WWOX: variants seen among roughly 807,000 people sequenced by gnomAD.
The protein encoded by WWOX is WW domain containing oxidoreductase.
A neutral mutation model predicts 46.2 loss-of-function variants in WWOX; 69 were observed. The ratio of observed to expected loss-of-function variants is 1.49; its 90% CI spans 1.23 to 1.82. The LOEUF is 1.82. Among genes scored for constraint, WWOX ranks in the 40% most tolerant of loss-of-function variants. The pLI is 0.00. For missense variants in WWOX, 919 were observed against 542.6 expected, an observed-to-expected ratio of 1.69 and a Z score of -6.89; for synonymous variants, 359 against 202.6, an observed-to-expected ratio of 1.77 and a Z score of -6.56.
chr16:78,535,897 G>A (rs1476091301), intron 8 of WWOX, among the ~76,000 whole-genome samples: 1 of 152,138 alleles, frequency 6.6e-6, no homozygotes, highest in African/African-American at 2.4e-5. Flanking sequence ...CCTCGGTGGT[G>A]AAGTGGGGAT....
intron 8 of WWOX, among the ~76,000 whole-genome samples, chr16:78,698,074 GTAT>G (rs1003777427): frequency 1.3e-5 from 2 of 152,138 alleles, no homozygotes; most frequent in African/African-American, 4.8e-5. Flanking sequence ...ATGTAAAGTG[GTAT>G]TATTGTTGTC....
intron 4 of WWOX, among the ~76,000 whole-genome samples, chr16:78,151,318 C>A (rs957569354): frequency 3.3e-5 from 5 of 152,140 alleles, no homozygotes; most frequent in African/African-American, 1.2e-4. Flanking sequence ...GGTACACCTG[C>A]TTGAAGTCAG....
intron 8 of WWOX, among the ~76,000 whole-genome samples, chr16:78,632,803 C>A (rs1243352230): frequency 6.6e-6 from 1 of 151,912 alleles, no homozygotes. Flanking sequence ...GGTGATCCAC[C>A]CGCCTCAGCC....
intron 8 of WWOX, among the ~76,000 whole-genome samples, chr16:79,051,986 G>C (rs191265570): frequency 2.0e-5 from 3 of 151,022 alleles, no homozygotes; most frequent in African/African-American, 4.9e-5. Context: ...AAGTTACTTC[G>C]TCCTTCCTTT....
At chr16:78,679,308 T>C (rs554736079) in intron 8 of WWOX, among the ~76,000 whole-genome samples, 20 of 152,254 alleles carry the variant, frequency 1.3e-4, no homozygotes, top group African/African-American at 3.9e-4. Flanking sequence ...CCCAGCACTT[T>C]GGGAGGCCAA....
At chr16:78,730,051 T>C (rs2048932677) in intron 8 of WWOX, among the ~76,000 whole-genome samples, 2 of 152,194 alleles carry the variant, frequency 1.3e-5, no homozygotes, top group African/African-American at 4.8e-5. Context: ...GTGACTTTGA[T>C]ATATCCATTT....
At chr16:78,326,140 AC>A (rs2151887837) in intron 5 of WWOX, among the ~76,000 whole-genome samples, 1 of 152,292 alleles carries the variant, frequency 6.6e-6, no homozygotes, top group African/African-American at 2.4e-5. Context: ...TTTGTACTCA[AC>A]CATTAAATTG....
At chr16:78,236,070 T>C (rs1026665090) in intron 5 of WWOX, among the ~76,000 whole-genome samples, 5 of 152,236 alleles carry the variant, frequency 3.3e-5, no homozygotes, top group African/African-American at 1.2e-4. Context: ...ACTTTATTTA[T>C]AGGAACAGGC....
At chr16:78,563,267 G>A (rs76184501) in intron 8 of WWOX, among the ~76,000 whole-genome samples, 1 of 152,076 alleles carries the variant, frequency 6.6e-6, no homozygotes, top group East Asian at 1.9e-4. Context: ...CTATTTTCCT[G>A]TGTATGGGGT....
chr16:78,684,358 C>T (rs1361594678), intron 8 of WWOX, among the ~76,000 whole-genome samples: 1 of 152,178 alleles, frequency 6.6e-6, no homozygotes, highest in Non-Finnish European at 1.5e-5. Flanking sequence ...ACCTATGAAC[C>T]ATGAGGGTTT....
chr16:78,154,909 GTGCAC>G (rs1031908771), intron 4 of WWOX, among the ~76,000 whole-genome samples: 2 of 152,154 alleles, frequency 1.3e-5, no homozygotes, highest in African/African-American at 4.8e-5. Flanking sequence ...CCTGAATAAT[GTGCAC>G]TGAGCATCAA....
At chr16:78,394,408 C>A (rs2082243015) in intron 6 of WWOX, among the ~76,000 whole-genome samples, 1 of 151,294 alleles carries the variant, frequency 6.6e-6, no homozygotes. Flanking sequence ...CATTTTCCAT[C>A]CTAAGGCATT....
chr16:78,505,920 G>C (rs1446859500), intron 8 of WWOX, among the ~76,000 whole-genome samples: 1 of 152,206 alleles, frequency 6.6e-6, no homozygotes, highest in African/African-American at 2.4e-5. Context: ...GATTTGGAGA[G>C]AGAAGGACCC....
chr16:79,079,861 C>G (rs1475181683), intron 8 of WWOX, among the ~76,000 whole-genome samples: 1 of 152,176 alleles, frequency 6.6e-6, no homozygotes, highest in Non-Finnish European at 1.5e-5. Context: ...CTGGGCATAG[C>G]TTTGCCCCAT....
chr16:78,636,462 G>A (rs1255715620), intron 8 of WWOX, among the ~76,000 whole-genome samples: 1 of 152,148 alleles, frequency 6.6e-6, no homozygotes, highest in Non-Finnish European at 1.5e-5. Context: ...AAGCTCTTTT[G>A]AATAAACTGA....
chr16:78,293,339 C>G (rs985327170), intron 5 of WWOX, among the ~76,000 whole-genome samples: 2 of 152,218 alleles, frequency 1.3e-5, no homozygotes, highest in Admixed American at 6.5e-5. Flanking sequence ...TATCTTTGCA[C>G]TCTCTCCTGC....
intron 8 of WWOX, among the ~76,000 whole-genome samples, chr16:78,950,153 C>G (rs545042187): frequency 6.6e-6 from 1 of 152,138 alleles, no homozygotes; most frequent in Non-Finnish European, 1.5e-5. Flanking sequence ...AGAGTATGAT[C>G]TCACTTTTCC....
Position 78,347,032 on chromosome 16 carries a change from C to G in WWOX, c.517-39828C>G, listed in dbSNP as rs1324118411. Among the ~76,000 whole-genome samples the G allele has an allele frequency of 3.4e-5, 4 of 118,786 alleles. 1 individual carries two copies. Among genetic ancestry groups the G allele is most frequent in the Non-Finnish European group, 6.0e-5 (3 of 49,888 alleles). The allele number at this position is 118,786 out of a possible 152,430, so 77.9% of individuals were successfully genotyped here. ...GAGCCACAGCGCCCGGTGGTCATAT[C>G]TCTTTCTTGCGTTTTTGTGGGGGTT... On this transcript the variant is annotated intron_variant, in intron 5 of 8. Transcript: ENST00000566780.
intron 8 of WWOX, among the ~76,000 whole-genome samples, chr16:78,454,358 G>A (rs1367552165): frequency 4.5e-3 from 1 of 220 alleles, no homozygotes; most frequent in African/African-American, 0.017. Flanking sequence ...ATGTATATTC[G>A]TGTGTGTGTG....
Sources: gnomAD v4.1 joint callset for allele counts (sites outside exome capture counted in the v4.1 genomes callset) on GRCh38, gnomAD v4.1.1 for gene constraint, MANE v1.5 for transcripts, NCBI Gene and HGNC (gene_info 2026-07-23, HGNC 2026-07-21) for gene names.